HPSE2: variants seen among roughly 807,000 people sequenced by gnomAD.
HPSE2 encodes inactive heparanase-2.
HPSE2 carries 38 observed loss-of-function variants against 60.5 expected under a neutral mutation model. The ratio of observed to expected loss-of-function variants is 0.63; its 90% CI spans 0.48 to 0.82. The LOEUF is 0.82. HPSE2 is among the 40% of genes least tolerant of loss of function. HPSE2 has a pLI of 0.00. For missense variants in HPSE2, 713 were observed against 740.4 expected (o/e 0.96, Z 0.43); for synonymous variants, 295 against 293.2 (o/e 1.01, Z -0.06).
chr10:98,616,357 G>A (rs993498899), intron 8 of HPSE2, among the ~76,000 whole-genome samples: 7 of 152,070 alleles, frequency 4.6e-5, no homozygotes, highest in African/African-American at 1.2e-4. Context: ...CTGGCACACC[G>A]TAGGTACTCA....
chr10:98,856,284 C>A (rs1270763696), intron 3 of HPSE2, among the ~76,000 whole-genome samples: 1 of 152,066 alleles, frequency 6.6e-6, no homozygotes, highest in African/African-American at 2.4e-5. Context: ...GATGTGAGAA[C>A]CATCAGATAG....
At chr10:99,002,136 C>A (rs965486898) in intron 3 of HPSE2, among the ~76,000 whole-genome samples, 1 of 152,022 alleles carries the variant, frequency 6.6e-6, no homozygotes, top group Non-Finnish European at 1.5e-5. Context: ...ATAGCTAAAT[C>A]TAGAACAATT....
At chr10:98,462,734 C>T (rs540110515) in intron 11 of HPSE2, among the ~76,000 whole-genome samples, 2 of 152,210 alleles carry the variant, frequency 1.3e-5, no homozygotes, top group South Asian at 4.2e-4. Context: ...AGTGTTTTGT[C>T]CCTGGACTCT....
chr10:99,053,411 A>G (rs1313715667), intron 3 of HPSE2, among the ~76,000 whole-genome samples: 1 of 152,134 alleles, frequency 6.6e-6, no homozygotes, highest in Admixed American at 6.5e-5. Context: ...AATTAAAATA[A>G]AACATTTAAA....
intron 2 of HPSE2, among the ~76,000 whole-genome samples, chr10:99,220,310 T>C (rs530427033): frequency 2.8e-4 from 42 of 150,116 alleles, no homozygotes; most frequent in African/African-American, 9.5e-4. Flanking sequence ...TGAAAGAGAA[T>C]AAACAGGTCC....
chr10:98,550,500 G>T (rs576800552), intron 9 of HPSE2, among the ~76,000 whole-genome samples: 42 of 149,694 alleles, frequency 2.8e-4, no homozygotes, highest in African/African-American at 1.0e-3. Flanking sequence ...ATGGAGTCTT[G>T]CTCTGTTGCC....
At chr10:98,610,791 C>T (rs1945733834) in intron 9 of HPSE2, among the ~76,000 whole-genome samples, 3 of 152,184 alleles carry the variant, frequency 2.0e-5, no homozygotes, top group South Asian at 4.1e-4. Context: ...CCAGACACAA[C>T]CGAGGTGTCC....
At chr10:98,524,692 T>C (rs916592156) in intron 9 of HPSE2, among the ~76,000 whole-genome samples, 1 of 152,210 alleles carries the variant, frequency 6.6e-6, no homozygotes, top group Non-Finnish European at 1.5e-5. Flanking sequence ...TTAAGTGAGA[T>C]AAGAAGGGTT....
At chr10:98,519,632 A>G (rs1345683768) in intron 9 of HPSE2, among the ~76,000 whole-genome samples, 1 of 152,156 alleles carries the variant, frequency 6.6e-6, no homozygotes, top group Non-Finnish European at 1.5e-5. Flanking sequence ...TAACTGGCTG[A>G]CTCCTTTGCC....
intron 1 of HPSE2, among the ~76,000 whole-genome samples, chr10:99,232,851 A>C (rs945219241): frequency 6.6e-6 from 1 of 152,258 alleles, no homozygotes; most frequent in Non-Finnish European, 1.5e-5. Flanking sequence ...GCTAAAGCGC[A>C]GTTGCCCGGC....
chr10:99,055,482 A>T (rs1479719720), intron 3 of HPSE2, among the ~76,000 whole-genome samples: 1 of 152,194 alleles, frequency 6.6e-6, no homozygotes, highest in Admixed American at 6.5e-5. Flanking sequence ...ATTTGGAACA[A>T]TATAAAATGA....
intron 3 of HPSE2, among the ~76,000 whole-genome samples, chr10:99,027,258 G>C (rs1411199689): frequency 6.8e-6 from 1 of 146,380 alleles, no homozygotes; most frequent in Admixed American, 6.7e-5. Flanking sequence ...TCCAAATAAA[G>C]AAAATCAGAA....
chr10:98,712,070 G>C (rs1196921645), intron 5 of HPSE2, among the ~76,000 whole-genome samples: 1 of 151,940 alleles, frequency 6.6e-6, no homozygotes, highest in Non-Finnish European at 1.5e-5. Flanking sequence ...GGAAAGAAGA[G>C]GGAACAGAGG....
At chr10:98,689,698 T>C (rs1369409598) in intron 6 of HPSE2, among the ~76,000 whole-genome samples, 1 of 152,226 alleles carries the variant, frequency 6.6e-6, no homozygotes, top group Admixed American at 6.5e-5. Context: ...GATGATATAC[T>C]ACAGAGATAG....
the HPSE2 span, among the ~76,000 whole-genome samples, chr10:99,266,653 T>C: frequency 6.6e-6 from 1 of 152,032 alleles, no homozygotes; most frequent in African/African-American, 2.4e-5. Flanking sequence ...CAGCTGATGC[T>C]CTCTTGAAAG....
chr10:98,862,384 G>A (rs561415259), intron 3 of HPSE2, among the ~76,000 whole-genome samples: 1 of 152,288 alleles, frequency 6.6e-6, no homozygotes, highest in African/African-American at 2.4e-5. Flanking sequence ...TTCATTTGAA[G>A]TCCTGACACT....
At chr10:99,089,080 T>C (rs1843425537) in intron 3 of HPSE2, among the ~76,000 whole-genome samples, 1 of 152,172 alleles carries the variant, frequency 6.6e-6, no homozygotes, top group African/African-American at 2.4e-5. Context: ...TGGATATTAG[T>C]CCTCTGTTGG....
rs536346663 is a variant in HPSE2 at position 98,778,811 on chromosome 10, T to C, written c.611-34755A>G. 2.0e-5 allele frequency among the ~76,000 whole-genome samples: 3 copies of C among 152,286 alleles called. No individual in the cohort carries two copies. In the South Asian group the frequency reaches 6.2e-4, roughly 32 times the overall value. ...ATGTTCATTTGCTCTGTGCTCTCAA[T>C]GTCCATGAATCTATGAACTTGCTAT... On this transcript the variant is annotated intron_variant, in intron 3 of 11. Coordinates refer to ENST00000370552, the MANE Select transcript of HPSE2 (RefSeq NM_021828.5).
intron 5 of HPSE2, among the ~76,000 whole-genome samples, chr10:98,706,466 G>T (rs1416694100): frequency 1.3e-5 from 2 of 152,162 alleles, no homozygotes; most frequent in Admixed American, 1.3e-4. Flanking sequence ...AAGCCCAGGA[G>T]ACAGAAATGT....
Sources: gnomAD v4.1 joint callset for allele counts (sites outside exome capture counted in the v4.1 genomes callset) on GRCh38, gnomAD v4.1.1 for gene constraint, MANE v1.5 for transcripts, NCBI Gene and HGNC (gene_info 2026-07-23, HGNC 2026-07-21) for gene names.